Variants in ADCYAP1R1 observed in about 807,000 individuals in gnomAD.
The protein encoded by ADCYAP1R1 is pituitary adenylate cyclase-activating polypeptide type I receptor.
In ADCYAP1R1, 44 loss-of-function variants were observed where a neutral mutation model predicts 67.6. That is an observed-to-expected ratio of 0.65 (90% CI 0.51 to 0.84). The LOEUF (loss-of-function observed/expected upper bound fraction) is 0.84. Among genes scored for constraint, ADCYAP1R1 ranks in the 40% least tolerant of loss-of-function variants. The pLI is 0.00. For synonymous variants in ADCYAP1R1, 222 were observed against 219.6 expected (o/e 1.01, Z -0.10); for missense variants, 477 against 587.9 (o/e 0.81, Z 1.95).
chr7:31,090,663 C>T (rs963628783), intron 12 of ADCYAP1R1, among the ~76,000 whole-genome samples: 31 of 152,194 alleles, frequency 2.0e-4, no homozygotes, highest in African/African-American at 5.6e-4. Flanking sequence ...AGTGAGAACA[C>T]GTGGTATTTG....
intron 13 of ADCYAP1R1, 100 bp from the exon 14 acceptor site, chr7:31,103,137 G>A (rs1796503258): frequency 4.0e-6 from 6 of 1,501,514 alleles, no homozygotes; most frequent in Admixed American, 4.1e-5. Context: ...CCCCAGCTTG[G>A]AGGGAGAATA....
At position 31,080,635 on chromosome 7, in the gene ADCYAP1R1, T is replaced by A. The variant is rs1197116968; in HGVS notation, c.286+2T>A. On this transcript the variant is annotated splice_donor_variant, in intron 5 of 15. Transcript: ENST00000304166. LOFTEE classifies it high-confidence loss of function. ...CAGTCTGGGAGACCGAAACCATTGG[T>A]AAGAGGAACCTTGGTGAGGATAGAC... 2 of 1,613,698 alleles carry A rather than the reference T, an allele frequency of 1.2e-6. No homozygotes were observed. The highest frequency in any genetic ancestry group is 1.7e-6 in the Non-Finnish European group (2 of 1,179,954).
At chr7:31,084,067 C>A in intron 6 of ADCYAP1R1, 74 bp from the exon 7 acceptor site, 4 of 1,322,780 alleles carry the variant, frequency 3.0e-6, no homozygotes, top group Middle Eastern at 1.8e-4. Flanking sequence ...CCACTGAATA[C>A]GTAATTTTTG....
chr7:31,068,278 G>C (rs989394070), intron 3 of ADCYAP1R1, among the ~76,000 whole-genome samples: 1 of 152,146 alleles, frequency 6.6e-6, no homozygotes, highest in Non-Finnish European at 1.5e-5. Flanking sequence ...CTATGGGCTG[G>C]GTAGAGTTTT....
intron 2 of ADCYAP1R1, among the ~76,000 whole-genome samples, chr7:31,064,498 T>C (rs920490566): frequency 2.0e-5 from 3 of 152,084 alleles, no homozygotes; most frequent in South Asian, 4.1e-4. Flanking sequence ...TCCAGATCCA[T>C]ACACACACAC....
At chr7:31,064,770 A>C in intron 2 of ADCYAP1R1, 61 bp from the exon 3 acceptor site, 1 of 1,366,796 alleles carries the variant, frequency 7.3e-7, no homozygotes, top group Non-Finnish European at 1.0e-6. Context: ...GGGCTTTGGT[A>C]GGAGAGCTTA....
At chr7:31,071,468 C>T (rs1415328597) in intron 3 of ADCYAP1R1, among the ~76,000 whole-genome samples, 1 of 152,090 alleles carries the variant, frequency 6.6e-6, no homozygotes, top group Non-Finnish European at 1.5e-5. Flanking sequence ...GTGGAGAGGT[C>T]TCACAGAGAA....
At position 31,092,747 on chromosome 7, in the gene ADCYAP1R1, T is replaced by C. The variant is rs373542218; in HGVS notation, c.1046+12T>C. The C allele has an allele frequency of 5.9e-5, 94 of 1,595,914 alleles. No individual in the cohort carries two copies. The African/African-American group carries it at 1.2e-3, about 21-fold the overall frequency. ...TCCAGCATCTACTTGTAAGTACCAT[T>C]GTGTGGCTGCCACAGCCATTTCTGA... On this transcript the variant is annotated intron_variant, in intron 13 of 15. Transcript: ENST00000304166.
rs1796744516 is a variant in ADCYAP1R1 at position 31,108,765 on chromosome 7, T to TGTGTACA, written c.*2085_*2086insACAGTGT. On this transcript the variant is annotated 3_prime_UTR_variant, in exon 16 of 16. Transcript: ENST00000304166. ...GAATATATGTGTGTGTGTGTGTGTG[T>TGTGTACA]GTGTGTGTGTGTGTGTAGAGGGATG... 6.6e-6 allele frequency: 1 copy of TGTGTACA among 152,176 alleles called. No homozygotes were observed. Among genetic ancestry groups the TGTGTACA allele is most frequent in the African/African-American group, 2.4e-5 (1 of 41,356 alleles). 9.4% of individuals were successfully genotyped at this position (152,176 alleles called of 1,614,324 possible).
rs1328085346 is a variant in ADCYAP1R1 at position 31,111,427 on chromosome 7, AG to A, written c.*4745del. 1 of 152,182 alleles carries A rather than the reference AG, an allele frequency of 6.6e-6. No homozygotes were observed. Among genetic ancestry groups the A allele is most frequent in the Admixed American group, 6.5e-5 (1 of 15,276 alleles). 9.4% of individuals were successfully genotyped at this position (152,182 alleles called of 1,614,324 possible). A position where few individuals can be genotyped will look rare whatever the true frequency, so the allele number is the denominator to read the frequency against. On this transcript the variant is annotated 3_prime_UTR_variant, in exon 16 of 16. Coordinates refer to ENST00000304166, the MANE Select transcript of ADCYAP1R1 (RefSeq NM_001118.5). ...GCTCACTATCTTGTCCAGGATTTTA[AG>A]GATGTCAGACTGCTGTAGATGACTC...
chr7:31,105,510 G>T (rs1262645823), intron 15 of ADCYAP1R1, among the ~76,000 whole-genome samples: 1 of 152,234 alleles, frequency 6.6e-6, no homozygotes, highest in South Asian at 2.1e-4. Context: ...GGGGTAAAGC[G>T]CTTGAGCACA....
intron 1 of ADCYAP1R1, among the ~76,000 whole-genome samples, chr7:31,058,816 T>C (rs1794370876): frequency 2.0e-5 from 3 of 152,124 alleles, no homozygotes; most frequent in Non-Finnish European, 4.4e-5. Context: ...AGCATAGGGA[T>C]GGAGTGCACC....
intron 14 of ADCYAP1R1, 33 bp downstream of exon 14, chr7:31,103,399 C>T: frequency 1.2e-6 from 2 of 1,613,668 alleles, no homozygotes; most frequent in Non-Finnish European, 1.7e-6. Flanking sequence ...ACAGAACTCA[C>T]TGGGAGCCAG....
At position 31,104,467 on chromosome 7, in the gene ADCYAP1R1, C is replaced by A. The variant is rs1395236029; in HGVS notation, c.1177-401C>A. 8.5e-5 allele frequency among the ~76,000 whole-genome samples: 13 copies of A among 152,222 alleles called. No homozygotes were observed. The East Asian group carries it at 2.5e-3, about 29-fold the overall frequency. On this transcript the variant is annotated intron_variant, in intron 14 of 15. Coordinates refer to ENST00000304166, the MANE Select transcript of ADCYAP1R1 (RefSeq NM_001118.5). ...GGCAGATTGGGGAGATGATGGTGGA[C>A]AAGGATGGCACAGGTCTGTTCTGTC...
rs191723575 is a variant in ADCYAP1R1 at position 31,107,463 on chromosome 7, T to C, written c.*779T>C. 9.2e-5 allele frequency: 14 copies of C among 152,346 alleles called. No individual in the cohort carries two copies. The highest frequency in any genetic ancestry group is 3.4e-4 in the African/African-American group (14 of 41,558). 9.4% of individuals were successfully genotyped at this position (152,346 alleles called of 1,614,324 possible). On this transcript the variant is annotated 3_prime_UTR_variant, in exon 16 of 16. Transcript: ENST00000304166. ...AAAGAGACGGAGTTTGGGAGACCCA[T>C]GGAAGAAAACCTTCGCCATCTCCAT... is the stretch of plus-strand genomic sequence containing the variant.
chr7:31,056,952 G>C (rs755421015), intron 1 of ADCYAP1R1: 1 of 152,060 alleles, frequency 6.6e-6, no homozygotes, highest in Admixed American at 6.5e-5. Flanking sequence ...CTGGGCACTC[G>C]TGTGTCTTGC....
chr7:31,056,339 A>C (rs1174825720), intron 1 of ADCYAP1R1, among the ~76,000 whole-genome samples: 3 of 152,040 alleles, frequency 2.0e-5, no homozygotes, highest in African/African-American at 7.3e-5. Flanking sequence ...AGCTGCCCTC[A>C]TCTTTCTCCC....
intron 13 of ADCYAP1R1, chr7:31,100,142 A>G (rs762132325): frequency 1.3e-6 from 2 of 1,550,470 alleles, no homozygotes; most frequent in Non-Finnish European, 8.7e-7. Flanking sequence ...GCGTGCAGAA[A>G]TGCTACTGCA....
Position 31,068,215 on chromosome 7 carries a change from GCA to G in ADCYAP1R1, c.157+3301_157+3302del, listed in dbSNP as rs1554300587. Among the ~76,000 whole-genome samples the G allele has an allele frequency of 4.1e-3, 621 of 149,752 alleles. 2 individuals are homozygous for G. The highest frequency in any genetic ancestry group is 0.012 in the African/African-American group (479 of 40,982). On this transcript the variant is annotated intron_variant, in intron 3 of 15. Coordinates refer to ENST00000304166, the MANE Select transcript of ADCYAP1R1 (RefSeq NM_001118.5). ...CTCAGACACGCACGCATGTGCGCGC[GCA>G]CACACACACACACACACACACGTAC...
Sources: gnomAD v4.1 joint callset for allele counts (sites outside exome capture counted in the v4.1 genomes callset) on GRCh38, gnomAD v4.1.1 for gene constraint, MANE v1.5 for transcripts, NCBI Gene and HGNC (gene_info 2026-07-23, HGNC 2026-07-21) for gene names.